TEX36: variants seen among roughly 807,000 people sequenced by gnomAD.
TEX36 encodes testis expressed 36, also known as testis-expressed protein 36.
TEX36 carries 12 observed loss-of-function variants against 13.6 expected under a neutral mutation model. That is an observed-to-expected ratio of 0.88 (90% CI 0.56 to 1.43). The LOEUF (loss-of-function observed/expected upper bound fraction) is 1.43. TEX36 is among the 40% of genes most tolerant of loss of function. The probability of loss-of-function intolerance (pLI) is 0.00; values close to 1 mark genes in which losing one functional copy is unlikely to be tolerated. For synonymous variants in TEX36, 93 were observed against 83.0 expected (o/e 1.12, Z -0.65); for missense variants, 224 against 228.3 (o/e 0.98, Z 0.12).
In TEX36 at chr10:125,666,856, A is replaced by G. The variant is rs1380197627; in HGVS notation, c.52-4879T>C. ...GGGCGGGGCCTGGAGTGTTGGGAAC[A>G]GCCGGGGAACACCTCCACTTAGTAG... On this transcript the variant is annotated intron_variant, in intron 1 of 3. Transcript: ENST00000368821. The G allele has an allele frequency of 8.6e-6, 3 of 348,050 alleles. No homozygotes were observed. In the East Asian group the frequency reaches 1.8e-4, roughly 21 times the overall value. The allele number at this position is 348,050 out of a possible 1,614,324, so 21.6% of individuals were successfully genotyped here.
chr10:125,659,181 C>T (rs1026997984), intron 3 of TEX36, among the ~76,000 whole-genome samples: 2 of 152,142 alleles, frequency 1.3e-5, no homozygotes, highest in Admixed American at 1.3e-4. Flanking sequence ...GTCTAACCTC[C>T]ATTAAACTGA....
chr10:125,639,604 G>T (rs1452999258), intron 3 of TEX36, among the ~76,000 whole-genome samples: 1 of 152,010 alleles, frequency 6.6e-6, no homozygotes, highest in Non-Finnish European at 1.5e-5. Flanking sequence ...GGGCAATGTG[G>T]GGGGGTGGGG....
chr10:125,640,016 T>A, intron 3 of TEX36: 1 of 269,384 alleles, frequency 3.7e-6, no homozygotes, highest in South Asian at 1.4e-4. Flanking sequence ...ATTACAACCA[T>A]GTGTTCTCAG....
In TEX36 at chr10:125,595,141, T is replaced by A. The variant is rs117392818; in HGVS notation, c.265-18267A>T. 9.7e-3 allele frequency among the ~76,000 whole-genome samples: 1,472 copies of A among 152,346 alleles called. 8 individuals carry two copies. The highest frequency in any genetic ancestry group is 0.024 in the Admixed American group (368 of 15,302). On this transcript the variant is annotated intron_variant, in intron 3 of 3. Coordinates refer to the TEX36 transcript ENST00000532135. ...TTATAGAAATACACATTACAAATGG[T>A]AAATTTAGGAAATCAGAATGGATCT...
chr10:125,642,907 A>G (rs74363157), intron 3 of TEX36, among the ~76,000 whole-genome samples: 3,732 of 152,288 alleles, frequency 0.025, 159 homozygotes, highest in African/African-American at 0.084. Flanking sequence ...CCTTCTATCT[A>G]TGACAAGTGA....
intron 3 of TEX36, among the ~76,000 whole-genome samples, chr10:125,603,050 A>G (rs1425058291): frequency 1.3e-5 from 2 of 152,196 alleles, no homozygotes; most frequent in African/African-American, 4.8e-5. Flanking sequence ...AGAGGTGAAC[A>G]CGGCTCCCAA....
At chr10:125,603,291 T>C (rs1308568828) in intron 3 of TEX36, among the ~76,000 whole-genome samples, 1 of 152,178 alleles carries the variant, frequency 6.6e-6, no homozygotes, top group African/African-American at 2.4e-5. Context: ...TCCAAGTACC[T>C]GTGCCTGTGC....
At chr10:125,614,089 G>T (rs1398301333) in intron 3 of TEX36, among the ~76,000 whole-genome samples, 1 of 152,218 alleles carries the variant, frequency 6.6e-6, no homozygotes, top group Non-Finnish European at 1.5e-5. Context: ...CTTTTGAGAA[G>T]TGTTTGTTCA....
intron 3 of TEX36, among the ~76,000 whole-genome samples, chr10:125,645,601 G>T (rs1846758218): frequency 6.6e-6 from 1 of 152,092 alleles, no homozygotes; most frequent in African/African-American, 2.4e-5. Flanking sequence ...TACACTTGTA[G>T]TTTATAATTT....
intron 3 of TEX36, among the ~76,000 whole-genome samples, chr10:125,590,418 C>T (rs1248610281): frequency 6.6e-6 from 1 of 152,104 alleles, no homozygotes; most frequent in African/African-American, 2.4e-5. Context: ...GCCTGGCCCT[C>T]CTTCTCTTTT....
chr10:125,600,103 C>T (rs1846127764), intron 3 of TEX36, among the ~76,000 whole-genome samples: 2 of 152,232 alleles, frequency 1.3e-5, no homozygotes, highest in Non-Finnish European at 2.9e-5. Flanking sequence ...AAATGGGTCC[C>T]TGCCCAGAGC....
At chr10:125,640,266 G>T in intron 3 of TEX36, 2 of 949,790 alleles carry the variant, frequency 2.1e-6, no homozygotes, top group Non-Finnish European at 2.5e-6. Context: ...TTGTGTTCTT[G>T]TGCCTGTATT....
chr10:125,667,180 A>G (rs993156183), intron 1 of TEX36: 33 of 656,148 alleles, frequency 5.0e-5, no homozygotes, highest in Non-Finnish European at 8.3e-5. Context: ...TGTGCGGTGC[A>G]GCGTTGTGAC....
At chr10:125,652,824 A>G (rs1379853533), downstream of TEX36, among the ~76,000 whole-genome samples, 2 of 152,246 alleles carry the variant, frequency 1.3e-5, no homozygotes, top group Non-Finnish European at 2.9e-5. Flanking sequence ...AAAAGTAGGC[A>G]AAGGATGTGA....
At chr10:125,619,145 A>AAAAAAT (rs1204107784), downstream of TEX36, among the ~76,000 whole-genome samples, 2 of 151,796 alleles carry the variant, frequency 1.3e-5, no homozygotes, top group African/African-American at 2.4e-5. Flanking sequence ...AATAAAAATA[A>AAAAAAT]AAAAATAAAA....
chr10:125,620,041 G>T (rs1236590495), downstream of TEX36, among the ~76,000 whole-genome samples: 3 of 152,038 alleles, frequency 2.0e-5, no homozygotes, highest in African/African-American at 4.8e-5. Flanking sequence ...ATTTTGCCAG[G>T]TATTTAGCTT....
chr10:125,609,293 T>C (rs1376844075), intron 3 of TEX36, among the ~76,000 whole-genome samples: 5 of 152,330 alleles, frequency 3.3e-5, no homozygotes, highest in Non-Finnish European at 5.9e-5. Context: ...AATTCAATGG[T>C]GTGAAATGGA....
chr10:125,614,647 G>C (rs1201691516), intron 3 of TEX36, among the ~76,000 whole-genome samples: 3 of 152,034 alleles, frequency 2.0e-5, no homozygotes, highest in Non-Finnish European at 4.4e-5. Context: ...CTATATCTCT[G>C]TTTTGGTACC....
At position 125,604,242 on chromosome 10, in the gene TEX36, G is replaced by A. The variant is rs376404153; in HGVS notation, c.265-27368C>T. ...CAGATGAGCAAGTGAAGCTTCATTC[G>A]TATTGACAGCCCCTCCCCATCACTT... On this transcript the variant is annotated intron_variant, in intron 3 of 3. Transcript: ENST00000532135. Among the ~76,000 whole-genome samples, 17 of 152,274 alleles carry A rather than the reference G, an allele frequency of 1.1e-4. No individual in the cohort carries two copies. In the South Asian group the frequency reaches 3.1e-3, roughly 28 times the overall value.
Sources: gnomAD v4.1 joint callset for allele counts (sites outside exome capture counted in the v4.1 genomes callset) on GRCh38, gnomAD v4.1.1 for gene constraint, MANE v1.5 for transcripts, NCBI Gene and HGNC (gene_info 2026-07-23, HGNC 2026-07-21) for gene names.